TYW1B: variants seen among roughly 807,000 people sequenced by gnomAD.
The protein encoded by TYW1B is S-adenosyl-L-methionine-dependent tRNA 4-demethylwyosine synthase TYW1B.
In TYW1B, 73 loss-of-function variants were observed where a neutral mutation model predicts 86.9. The ratio of observed to expected loss-of-function variants is 0.84; its 90% CI spans 0.70 to 1.02. TYW1B has a LOEUF of 1.02. Among genes scored for constraint, TYW1B ranks in the 50% least tolerant of loss-of-function variants. The probability of loss-of-function intolerance (pLI) is 0.00; values close to 1 mark genes in which losing one functional copy is unlikely to be tolerated. For synonymous variants in TYW1B, 248 were observed against 292.8 expected, an observed-to-expected ratio of 0.85 and a Z score of 1.56; for missense variants, 637 against 827.4, an observed-to-expected ratio of 0.77 and a Z score of 2.82.
chr7:72,708,268 T>C (rs571701918), intron 10 of TYW1B, among the ~76,000 whole-genome samples: 125 of 152,218 alleles, frequency 8.2e-4, no homozygotes, highest in South Asian at 7.1e-3. Flanking sequence ...CCTGAAAAGA[T>C]ACCAGAGTAC....
rs1810983408 is a variant in TYW1B at position 72,574,871 on chromosome 7, A to G, written c.*627T>C. ...GGTACTGCGGTCTGTGGTAATTTAC[A>G]TGGGAATGGGATGAGATCTAGTAGT... On this transcript the variant is annotated 3_prime_UTR_variant, in exon 14 of 14. Coordinates refer to ENST00000620995, the MANE Select transcript of TYW1B (RefSeq NM_001145440.3). 2.4e-5 allele frequency: 24 copies of G among 985,684 alleles called. No homozygotes were observed. Among genetic ancestry groups the G allele is most frequent in the Non-Finnish European group, 2.9e-5 (24 of 830,154 alleles). 61.1% of individuals were successfully genotyped at this position (985,684 alleles called of 1,614,324 possible).
Position 72,721,083 on chromosome 7 carries a change from CT to C in TYW1B, c.1193-7286del, listed in dbSNP as rs1216146104. On this transcript the variant is annotated intron_variant, in intron 9 of 13. Coordinates refer to ENST00000620995, the MANE Select transcript of TYW1B (RefSeq NM_001145440.3). ...TCCCTTAAAAAAACATGAATTCATC[CT>C]TTTTTGTGGCTGCATAGTATTCCAT... 9.2e-5 allele frequency among the ~76,000 whole-genome samples: 14 copies of C among 152,142 alleles called. No individual in the cohort carries two copies. In the South Asian group the frequency reaches 2.1e-3, roughly 23 times the overall value.
At chr7:72,751,467 T>A (rs575882808) in intron 7 of TYW1B, among the ~76,000 whole-genome samples, 1 of 152,240 alleles carries the variant, frequency 6.6e-6, no homozygotes, top group Non-Finnish European at 1.5e-5. Flanking sequence ...TTTATTTCTC[T>A]TACTGTACGT....
intron 11 of TYW1B, among the ~76,000 whole-genome samples, chr7:72,633,771 G>A (rs1301454153): frequency 1.3e-5 from 2 of 151,556 alleles, no homozygotes; most frequent in African/African-American, 4.9e-5. Flanking sequence ...ATCTAGTATT[G>A]GGTTGCATGA....
intron 7 of TYW1B, among the ~76,000 whole-genome samples, chr7:72,761,361 T>G (rs1001346729): frequency 2.6e-5 from 4 of 152,110 alleles, no homozygotes; most frequent in Non-Finnish European, 5.9e-5. Flanking sequence ...TAATTCTATA[T>G]ATAAAATGTG....
At chr7:72,774,337 TA>T (rs1257211570) in intron 7 of TYW1B, among the ~76,000 whole-genome samples, 147,188 of 147,190 alleles carry the variant, frequency 1, 73,593 homozygotes, top group Non-Finnish European at 1. Context: ...AAGTGAGATA[TA>T]AAAGCTCATA....
At position 72,575,238 on chromosome 7, in the gene TYW1B, G is replaced by A. The variant is rs746904950; in HGVS notation, c.*260C>T. The A allele has an allele frequency of 6.6e-5, 87 of 1,320,028 alleles. No homozygotes were observed. Among genetic ancestry groups the A allele is most frequent in the Non-Finnish European group, 7.9e-5 (82 of 1,031,474 alleles). The allele number at this position is 1,320,028 out of a possible 1,614,324, so 81.8% of individuals were successfully genotyped here. ...TCAGTTAAATTCTAATCACGACTGTGTAGTTCCTCCCCAAAATAATTTTCC... is the reference window on the plus strand; with the variant it reads ...TCAGTTAAATTCTAATCACGACTGTATAGTTCCTCCCCAAAATAATTTTCC... On this transcript the variant is annotated 3_prime_UTR_variant, in exon 14 of 14. Transcript: ENST00000620995.
At chr7:72,734,952 A>C (rs1554460669) in intron 8 of TYW1B, among the ~76,000 whole-genome samples, 1 of 152,224 alleles carries the variant, frequency 6.6e-6, no homozygotes. Flanking sequence ...ATCAAATAAT[A>C]ACAAATGCTG....
chr7:72,595,822 A>G (rs1417587385), intron 13 of TYW1B, among the ~76,000 whole-genome samples: 6 of 152,238 alleles, frequency 3.9e-5, no homozygotes, highest in African/African-American at 1.4e-4. Flanking sequence ...CTGAAAGTAA[A>G]GAACACATAA....
chr7:72,594,100 T>C (rs568062961), intron 13 of TYW1B, among the ~76,000 whole-genome samples: 8 of 151,168 alleles, frequency 5.3e-5, no homozygotes, highest in Non-Finnish European at 1.2e-4. Flanking sequence ...ACTTCAAAAC[T>C]TCAGGAACTA....
chr7:72,574,553 A>C lies in TYW1B; in HGVS notation c.*945T>G, dbSNP rs1288926757. 1.0e-6 allele frequency: 1 copy of C among 980,852 alleles called. No individual in the cohort carries two copies. The highest frequency in any genetic ancestry group is 1.2e-6 in the Non-Finnish European group (1 of 825,852). 60.8% of individuals were successfully genotyped at this position (980,852 alleles called of 1,614,324 possible). A position where few individuals can be genotyped will look rare whatever the true frequency, so the allele number is the denominator to read the frequency against. On this transcript the variant is annotated 3_prime_UTR_variant, in exon 14 of 14. Transcript: ENST00000620995. ...ATTTTATTAATTCAATTTTTGCATA[A>C]AAGACTGTTAAAAGAATTTGCTAAC...
chr7:72,632,975 T>C (rs1183365665), intron 11 of TYW1B, among the ~76,000 whole-genome samples: 4 of 152,012 alleles, frequency 2.6e-5, no homozygotes, highest in Non-Finnish European at 4.4e-5. Flanking sequence ...GTCACAACCC[T>C]GCTGACCAAA....
chr7:72,706,251 AAACCC>A (rs1554453628), intron 10 of TYW1B, among the ~76,000 whole-genome samples: 5 of 152,078 alleles, frequency 3.3e-5, no homozygotes, highest in Non-Finnish European at 7.4e-5. Context: ...CAACATGGAG[AAACCC>A]GTCTCTACTA....
intron 4 of TYW1B, among the ~76,000 whole-genome samples, chr7:72,807,662 T>C (rs1441158660): frequency 1.3e-5 from 2 of 152,126 alleles, no homozygotes; most frequent in African/African-American, 2.4e-5. Flanking sequence ...TTCTATATCA[T>C]GATAAGAACA....
intron 12 of TYW1B, among the ~76,000 whole-genome samples, chr7:72,624,419 A>AT (rs1554438445): frequency 6.6e-6 from 1 of 152,258 alleles, no homozygotes. Flanking sequence ...AACATACAAC[A>AT]TTGAAAATGT....
intron 13 of TYW1B, among the ~76,000 whole-genome samples, chr7:72,609,466 G>T (rs1381028565): frequency 6.6e-6 from 1 of 152,116 alleles, no homozygotes; most frequent in Non-Finnish European, 1.5e-5. Context: ...GGCTTAAGCA[G>T]GAGGACTGCT....
intron 7 of TYW1B, among the ~76,000 whole-genome samples, chr7:72,759,641 T>C (rs1413471726): frequency 6.6e-6 from 1 of 152,214 alleles, no homozygotes; most frequent in African/African-American, 2.4e-5. Flanking sequence ...TATCTCTCTA[T>C]TTGTTTTTCT....
At chr7:72,665,329 T>G (rs1813435417) in intron 11 of TYW1B, among the ~76,000 whole-genome samples, 1 of 152,200 alleles carries the variant, frequency 6.6e-6, no homozygotes, top group Non-Finnish European at 1.5e-5. Context: ...ATGAAAGTCG[T>G]CTGTTCAATG....
chr7:72,639,508 T>A (rs558500473), intron 11 of TYW1B, among the ~76,000 whole-genome samples: 237 of 152,096 alleles, frequency 1.6e-3, no homozygotes, highest in Admixed American at 2.9e-3. Context: ...AGAAGAGACA[T>A]AGGAAAGACT....
Sources: allele counts gnomAD v4.1 joint callset (sites outside exome capture counted in the v4.1 genomes callset), GRCh38; gene constraint gnomAD v4.1.1; transcripts MANE v1.5; gene names NCBI Gene and HGNC (gene_info 2026-07-23, HGNC 2026-07-21).